Variants in GRAMD1B observed in about 807,000 individuals in gnomAD.
The protein encoded by GRAMD1B is protein Aster-B.
GRAMD1B carries 37 observed loss-of-function variants against 99.7 expected under a neutral mutation model. The observed-to-expected ratio is 0.37, with a 90% CI of 0.29 to 0.49. GRAMD1B has a LOEUF of 0.49. Ranked by LOEUF, GRAMD1B falls within the 20% of genes least tolerant of loss-of-function variation. The pLI, the probability that GRAMD1B is intolerant of heterozygous loss-of-function variation, is 0.98. For missense variants in GRAMD1B, 888 were observed against 1,009.2 expected (o/e 0.88, Z 1.63); for synonymous variants, 427 against 387.6 (o/e 1.10, Z -1.19).
At chr11:123,590,257 A>G (rs1005868286) in intron 4 of GRAMD1B, among the ~76,000 whole-genome samples, 3 of 152,182 alleles carry the variant, frequency 2.0e-5, no homozygotes, top group African/African-American at 7.2e-5. Context: ...AGCGTGTCTG[A>G]AACTGGATCA....
chr11:123,413,373 A>G (rs1318146532), intron 1 of GRAMD1B, among the ~76,000 whole-genome samples: 1 of 152,044 alleles, frequency 6.6e-6, no homozygotes, highest in African/African-American at 2.4e-5. Context: ...ACCTCTTTGT[A>G]TTTCCTTCAT....
intron 2 of GRAMD1B, among the ~76,000 whole-genome samples, chr11:123,546,956 G>A (rs1945091872): frequency 6.6e-6 from 1 of 152,128 alleles, no homozygotes; most frequent in African/African-American, 2.4e-5. Context: ...TAGGAGCAGG[G>A]CCTCAGTGGA....
At chr11:123,562,168 G>A (rs910632117) in intron 2 of GRAMD1B, among the ~76,000 whole-genome samples, 5 of 151,212 alleles carry the variant, frequency 3.3e-5, no homozygotes, top group East Asian at 2.0e-4. Flanking sequence ...GGGCAACATC[G>A]CGAGACCCTG....
intron 1 of GRAMD1B, among the ~76,000 whole-genome samples, chr11:123,397,161 T>C (rs1199030926): frequency 3.9e-5 from 6 of 152,120 alleles, no homozygotes; most frequent in Non-Finnish European, 8.8e-5. Context: ...CCTAGCACTT[T>C]GGGAGGCAGA....
At chr11:123,395,335 T>C (rs1396479614) in intron 1 of GRAMD1B, among the ~76,000 whole-genome samples, 4 of 152,038 alleles carry the variant, frequency 2.6e-5, no homozygotes, top group Non-Finnish European at 5.9e-5. Flanking sequence ...CATAGTAAAA[T>C]TGGGGGAAGG....
chr11:123,548,289 AAAATAT>A (rs1289547605), intron 2 of GRAMD1B, among the ~76,000 whole-genome samples: 1 of 57,322 alleles, frequency 1.7e-5, no homozygotes, highest in East Asian at 4.6e-4. Flanking sequence ...AGGCTGTGCC[AAAATAT>A]ATATATATAT....
At chr11:123,359,439 A>G (rs1174339201) in intron 1 of GRAMD1B, among the ~76,000 whole-genome samples, 1 of 152,122 alleles carries the variant, frequency 6.6e-6, no homozygotes, top group Non-Finnish European at 1.5e-5. Flanking sequence ...CTTGTGGAGT[A>G]GATGAAGGAA....
At chr11:123,541,542 T>C (rs946168932) in intron 2 of GRAMD1B, among the ~76,000 whole-genome samples, 12 of 152,114 alleles carry the variant, frequency 7.9e-5, no homozygotes, top group Non-Finnish European at 1.8e-4. Flanking sequence ...GAATTGATTT[T>C]TTTTTTTTTT....
chr11:123,507,296 A>T (rs909399195), intron 2 of GRAMD1B, among the ~76,000 whole-genome samples: 1 of 152,182 alleles, frequency 6.6e-6, no homozygotes, highest in African/African-American at 2.4e-5. Flanking sequence ...TGGTGGGGGT[A>T]TGATTGATTA....
chr11:123,387,819 AT>A (rs1947122703), intron 1 of GRAMD1B, among the ~76,000 whole-genome samples: 1 of 149,214 alleles, frequency 6.7e-6, no homozygotes, highest in Non-Finnish European at 1.5e-5. Context: ...ATTATATGTG[AT>A]TATTTAAAAA....
chr11:123,579,651 C>T (rs1010928448), intron 3 of GRAMD1B, among the ~76,000 whole-genome samples: 3 of 152,112 alleles, frequency 2.0e-5, no homozygotes, highest in Non-Finnish European at 4.4e-5. Context: ...GCTCGAGGCT[C>T]AGCTGGCAAG....
At chr11:123,499,407 A>G (rs1200942851) in intron 2 of GRAMD1B, among the ~76,000 whole-genome samples, 1 of 152,228 alleles carries the variant, frequency 6.6e-6, no homozygotes, top group East Asian at 1.9e-4. Flanking sequence ...ATCGCAACAG[A>G]AAAAAGGACT....
chr11:123,462,940 AC>A (rs1368791001), intron 1 of GRAMD1B, among the ~76,000 whole-genome samples: 1 of 150,778 alleles, frequency 6.6e-6, no homozygotes, highest in Middle Eastern at 3.2e-3. Flanking sequence ...GCTTACCAGC[AC>A]AGTTTGCTCA....
At chr11:123,392,340 CT>C (rs1180436219) in intron 1 of GRAMD1B, among the ~76,000 whole-genome samples, 3 of 151,530 alleles carry the variant, frequency 2.0e-5, no homozygotes, top group Non-Finnish European at 2.9e-5. Flanking sequence ...AGACTCTGCT[CT>C]TCTGCTTGTC....
At chr11:123,549,477 G>T (rs1484154606) in intron 2 of GRAMD1B, among the ~76,000 whole-genome samples, 1 of 152,042 alleles carries the variant, frequency 6.6e-6, no homozygotes, top group Non-Finnish European at 1.5e-5. Context: ...GGGAGGCAGA[G>T]CTTGCAGTGA....
intron 1 of GRAMD1B, among the ~76,000 whole-genome samples, chr11:123,410,482 G>A (rs915492754): frequency 6.6e-6 from 1 of 152,102 alleles, no homozygotes; most frequent in Non-Finnish European, 1.5e-5. Flanking sequence ...GTCCTTAGAT[G>A]CTCCATCGGT....
chr11:123,529,900 T>C (rs368712754), intron 2 of GRAMD1B, among the ~76,000 whole-genome samples: 1 of 152,188 alleles, frequency 6.6e-6, no homozygotes, highest in East Asian at 1.9e-4. Flanking sequence ...TCACATCTGC[T>C]GGGCTTGGTA....
chr11:123,614,650 C>T, intron 16 of GRAMD1B, 95 bp from the exon 17 acceptor site: 1 of 667,152 alleles, frequency 1.5e-6, no homozygotes, highest in Non-Finnish European at 2.7e-6. Flanking sequence ...ATTTTTCCAT[C>T]AGTCTCTGAT....
At chr11:123,513,169 A>C (rs932538411) in intron 2 of GRAMD1B, among the ~76,000 whole-genome samples, 1 of 152,188 alleles carries the variant, frequency 6.6e-6, no homozygotes, top group African/African-American at 2.4e-5. Flanking sequence ...TATTTCTGAG[A>C]TACTATTCCC....
Sources: allele counts gnomAD v4.1 joint callset (sites outside exome capture counted in the v4.1 genomes callset), GRCh38; gene constraint gnomAD v4.1.1; transcripts MANE v1.5; gene names NCBI Gene and HGNC (gene_info 2026-07-23, HGNC 2026-07-21).